PFKFB3: variants seen among roughly 807,000 people sequenced by gnomAD.
PFKFB3 encodes the protein 6-phosphofructo-2-kinase/fructose-2,6-biphosphatase 3.
PFKFB3 carries 33 observed loss-of-function variants against 68.0 expected under a neutral mutation model. The ratio of observed to expected loss-of-function variants is 0.49; its 90% CI spans 0.37 to 0.65. The LOEUF is 0.65. PFKFB3 is among the 30% of genes least tolerant of loss of function. The probability of loss-of-function intolerance (pLI) is 0.00; values close to 1 mark genes in which losing one functional copy is unlikely to be tolerated. For missense variants in PFKFB3, 586 were observed against 712.2 expected (o/e 0.82, Z 2.02); for synonymous variants, 315 against 288.2 (o/e 1.09, Z -0.94).
rs1312235470 is a variant in PFKFB3, at chr10:6,154,366, C to T, written c.16+9353C>T. 6.6e-6 allele frequency among the ~76,000 whole-genome samples: 1 copy of T among 152,132 alleles called. No individual in the cohort carries two copies. Among genetic ancestry groups the T allele is most frequent in the East Asian group, 1.9e-4 (1 of 5,196 alleles). ...GTTCAAGCGATCCTCCTGCCTCAGC[C>T]TCCAGGGCAGCTGGGATTACAGGTG... On this transcript the variant is annotated intron_variant, in intron 1 of 14. Transcript: ENST00000379789. The surrounding 1 kb of genome is among the most constrained non-coding windows in gnomAD (Gnocchi z 4.6).
the PFKFB3 span, among the ~76,000 whole-genome samples, chr10:6,304,128 A>G: frequency 1.3e-5 from 2 of 152,208 alleles, no homozygotes; most frequent in Admixed American, 6.5e-5. Context: ...TAAAGTGAAG[A>G]ATCCTTGTTA....
intron 14 of PFKFB3, among the ~76,000 whole-genome samples, chr10:6,240,540 A>G (rs568969151): frequency 6.6e-5 from 10 of 152,196 alleles, no homozygotes; most frequent in Admixed American, 6.5e-4. Flanking sequence ...CTGGGATTAC[A>G]GACGTGAGCC....
intron 1 of PFKFB3, among the ~76,000 whole-genome samples, chr10:6,156,205 G>A (rs1841785703): frequency 6.6e-6 from 1 of 151,066 alleles, no homozygotes; most frequent in African/African-American, 2.4e-5. Flanking sequence ...CCAGGCTGGA[G>A]TGCAGTGGCA....
chr10:6,272,510 A>T, the PFKFB3 span, among the ~76,000 whole-genome samples: 1 of 152,068 alleles, frequency 6.6e-6, no homozygotes, highest in African/African-American at 2.4e-5. Flanking sequence ...CCTGGCCAAC[A>T]TGGTGAACCC....
chr10:6,294,962 GTGTTTTTTTTT>G, the PFKFB3 span, among the ~76,000 whole-genome samples: 4 of 150,688 alleles, frequency 2.7e-5, no homozygotes, highest in South Asian at 6.3e-4. Flanking sequence ...TCTTCAGAAG[GTGTTTTTTTTT>G]TGTTTTTTTT....
intron 1 of PFKFB3, among the ~76,000 whole-genome samples, chr10:6,206,585 C>CT (rs2131883704): frequency 7.8e-6 from 1 of 128,402 alleles, no homozygotes; most frequent in South Asian, 2.5e-4. Flanking sequence ...CAGGGGCTGA[C>CT]CCCCCCACCT....
intron 1 of PFKFB3, among the ~76,000 whole-genome samples, chr10:6,186,571 G>C (rs1842873695): frequency 1.3e-5 from 2 of 152,198 alleles, no homozygotes; most frequent in Admixed American, 1.3e-4. Flanking sequence ...ATCATTTCAA[G>C]AATGGCACTG....
At chr10:6,148,267 G>A (rs1841461156) in intron 1 of PFKFB3, among the ~76,000 whole-genome samples, 1 of 152,334 alleles carries the variant, frequency 6.6e-6, no homozygotes, top group Middle Eastern at 3.4e-3. Context: ...TTGACCTCCT[G>A]GACTGTCACA....
downstream of PFKFB3, among the ~76,000 whole-genome samples, chr10:6,257,638 G>T (rs1411264260): frequency 1.3e-5 from 2 of 152,170 alleles, no homozygotes; most frequent in Admixed American, 1.3e-4. Flanking sequence ...GGTTGGTTAG[G>T]TAAATGGTGG....
chr10:6,203,437 C>G, intron 1 of PFKFB3, 101 bp downstream of exon 1: 2 of 710,340 alleles, frequency 2.8e-6, no homozygotes, highest in South Asian at 1.2e-4. Flanking sequence ...GGGGGGCGCG[C>G]CCGTGCGGGT....
chr10:6,249,645 C>CA (rs775710356), intron 14 of PFKFB3, among the ~76,000 whole-genome samples: 1 of 152,188 alleles, frequency 6.6e-6, no homozygotes, highest in South Asian at 2.1e-4. Flanking sequence ...CAGTCAAACT[C>CA]AAAGAAGCAG....
intron 13 of PFKFB3, 134 bp downstream of exon 13, chr10:6,224,347 C>A: frequency 2.7e-6 from 2 of 749,806 alleles, no homozygotes; most frequent in African/African-American, 3.5e-5. Context: ...TGCTGGCTGC[C>A]TTCCTCAGCA....
chr10:6,199,092 G>T (rs1843251369), upstream of PFKFB3, among the ~76,000 whole-genome samples: 2 of 152,194 alleles, frequency 1.3e-5, no homozygotes, highest in Admixed American at 1.3e-4. Flanking sequence ...GGAAGGGTTT[G>T]TTTCAGTGTT....
intron 1 of PFKFB3, among the ~76,000 whole-genome samples, chr10:6,205,195 T>G (rs563053700): frequency 6.9e-6 from 1 of 144,780 alleles, no homozygotes; most frequent in East Asian, 2.3e-4. Flanking sequence ...ACACATTCCT[T>G]CTTGTAAAAA....
At chr10:6,156,448 G>A (rs1479981115) in intron 1 of PFKFB3, among the ~76,000 whole-genome samples, 2 of 151,278 alleles carry the variant, frequency 1.3e-5, no homozygotes, top group Admixed American at 6.6e-5. Context: ...GTGTCATCAC[G>A]TCCAGCCTCC....
At chr10:6,199,928 A>G (rs1269926180), upstream of PFKFB3, among the ~76,000 whole-genome samples, 1 of 151,894 alleles carries the variant, frequency 6.6e-6, no homozygotes, top group African/African-American at 2.4e-5. Flanking sequence ...CAGCGGCTAA[A>G]TTAGGATTCC....
the PFKFB3 span, among the ~76,000 whole-genome samples, chr10:6,266,331 C>T: frequency 6.6e-6 from 1 of 152,314 alleles, no homozygotes; most frequent in South Asian, 2.1e-4. Context: ...TTCAGGCTGG[C>T]TCCTGTATCC....
Position 6,229,235 on chromosome 10 carries a change from A to G in PFKFB3, c.1515+2870A>G. On this transcript the variant is annotated intron_variant, in intron 14 of 14. Transcript: ENST00000379775. This position sits in a 1 kb window ranked among gnomAD's most constrained non-coding sequence, Gnocchi z 4.3. ...AAAGGGGTGAAGGGCCAGAGGATGT[A>G]CCAGTGTCCTCCATGTCCACGTTCC... 2.1e-6 allele frequency: 1 copy of G among 484,948 alleles called. No individual in the cohort carries two copies. The highest frequency in any genetic ancestry group is 4.3e-6 in the Non-Finnish European group (1 of 234,186). 30.0% of individuals were successfully genotyped at this position (484,948 alleles called of 1,614,324 possible). A position where few individuals can be genotyped will look rare whatever the true frequency, so the allele number is the denominator to read the frequency against.
intron 1 of PFKFB3, among the ~76,000 whole-genome samples, chr10:6,148,694 G>A (rs1305681247): frequency 6.6e-6 from 1 of 152,212 alleles, no homozygotes. Context: ...GACACGGAGA[G>A]GAAAGTCATG....
Sources: allele counts gnomAD v4.1 joint callset (sites outside exome capture counted in the v4.1 genomes callset), GRCh38; gene constraint gnomAD v4.1.1; non-coding constraint Gnocchi (gnomAD v3.1); transcripts MANE v1.5; gene names NCBI Gene and HGNC (gene_info 2026-07-23, HGNC 2026-07-21).